The following PIBF1 variants were observed in gnomAD, a reference collection of about 807,000 sequenced individuals.
PIBF1 encodes the protein progesterone immunomodulatory binding factor 1.
PIBF1 carries 90 observed loss-of-function variants against 112.5 expected under a neutral mutation model. That is an observed-to-expected ratio of 0.80 (90% CI 0.67 to 0.95). PIBF1 has a LOEUF of 0.95. PIBF1 is among the 40% of genes least tolerant of loss of function. The pLI is 0.00. For missense variants in PIBF1, 915 were observed against 852.3 expected, an observed-to-expected ratio of 1.07 and a Z score of -0.92; for synonymous variants, 301 against 288.6, an observed-to-expected ratio of 1.04 and a Z score of -0.44.
chr13:72,983,106 T>C (rs987385908), intron 16 of PIBF1, among the ~76,000 whole-genome samples: 4 of 151,996 alleles, frequency 2.6e-5, no homozygotes. Flanking sequence ...GGTGGGAGGA[T>C]TACTTGAGTC....
intron 10 of PIBF1, among the ~76,000 whole-genome samples, chr13:72,864,189 A>G (rs2038826432): frequency 6.6e-6 from 1 of 152,208 alleles, no homozygotes; most frequent in African/African-American, 2.4e-5. Context: ...TGTGACTCAT[A>G]AATTAGCTTA....
intron 11 of PIBF1, among the ~76,000 whole-genome samples, chr13:72,902,867 A>T (rs2040548941): frequency 6.6e-6 from 1 of 151,996 alleles, no homozygotes; most frequent in African/African-American, 2.4e-5. Context: ...AAAAATCATC[A>T]ATATACATAG....
At chr13:72,948,249 T>G (rs1238869911) in intron 14 of PIBF1, among the ~76,000 whole-genome samples, 1 of 151,944 alleles carries the variant, frequency 6.6e-6, no homozygotes, top group Non-Finnish European at 1.5e-5. Flanking sequence ...AAGAAATTTC[T>G]TCCCCCAGAT....
chr13:72,784,275 T>TAAAAA (rs5804646), intron 2 of PIBF1, among the ~76,000 whole-genome samples: 3 of 123,988 alleles, frequency 2.4e-5, no homozygotes, highest in Admixed American at 8.3e-5. Flanking sequence ...CAGCTCTACT[T>TAAAAA]AAAAAAAAAA....
At chr13:72,999,116 A>C (rs1210239672) in intron 17 of PIBF1, 121 bp downstream of exon 17, 3 of 621,390 alleles carry the variant, frequency 4.8e-6, no homozygotes, top group Non-Finnish European at 5.6e-6. Context: ...GTTTCATGAA[A>C]AGACCTTGAA....
chr13:72,838,474 G>A (rs1026819117), intron 9 of PIBF1, among the ~76,000 whole-genome samples: 1 of 152,126 alleles, frequency 6.6e-6, no homozygotes. Context: ...CGCAAATCAG[G>A]CAGCTTCCAG....
intron 17 of PIBF1, among the ~76,000 whole-genome samples, chr13:73,011,429 G>A (rs988604577): frequency 6.9e-6 from 1 of 144,058 alleles, no homozygotes; most frequent in Non-Finnish European, 1.6e-5. Context: ...TTCCAGCAGT[G>A]GGAGGGAAAA....
chr13:72,959,369 C>T (rs757421888), intron 14 of PIBF1, among the ~76,000 whole-genome samples: 1 of 152,078 alleles, frequency 6.6e-6, no homozygotes, highest in African/African-American at 2.4e-5. Context: ...GTGTTGCCCC[C>T]CTATCGGACC....
At chr13:72,903,088 A>G (rs1159080657) in intron 11 of PIBF1, among the ~76,000 whole-genome samples, 2 of 151,628 alleles carry the variant, frequency 1.3e-5, no homozygotes, top group African/African-American at 4.8e-5. Context: ...CGTAGAGACG[A>G]GGTTTCACCA....
At chr13:72,977,685 A>C (rs1218308561) in intron 16 of PIBF1, among the ~76,000 whole-genome samples, 1 of 152,226 alleles carries the variant, frequency 6.6e-6, no homozygotes, top group African/African-American at 2.4e-5. Context: ...GACCACAGAG[A>C]GTTTTTATTT....
intron 14 of PIBF1, among the ~76,000 whole-genome samples, chr13:72,956,351 G>A (rs2138874761): frequency 6.6e-6 from 1 of 152,016 alleles, no homozygotes; most frequent in South Asian, 2.1e-4. Context: ...GTGTGTATGT[G>A]TGTGTGTGAC....
intron 9 of PIBF1, among the ~76,000 whole-genome samples, chr13:72,848,529 T>C (rs2037974014): frequency 6.6e-6 from 1 of 152,206 alleles, no homozygotes; most frequent in African/African-American, 2.4e-5. Flanking sequence ...ATTAAAACCC[T>C]TTTATTTAAG....
intron 15 of PIBF1, 42 bp downstream of exon 15, chr13:72,965,446 T>C (rs747558001): frequency 6.7e-7 from 1 of 1,501,268 alleles, no homozygotes; most frequent in Non-Finnish European, 9.1e-7. Flanking sequence ...ATAAAGACAT[T>C]GTTACCATAT....
intron 14 of PIBF1, among the ~76,000 whole-genome samples, chr13:72,949,300 CTTTTTTTTTTTTTTTT>C (rs71099771): frequency 0.015 from 805 of 55,012 alleles, 22 homozygotes; most frequent in African/African-American, 0.054. Flanking sequence ...AAATAGCTGT[CTTTTTTTTTTTTTTTT>C]TTTTTTTTTT....
chr13:72,825,681 G>A (rs1402926239), intron 6 of PIBF1, among the ~76,000 whole-genome samples: 1 of 152,114 alleles, frequency 6.6e-6, no homozygotes, highest in Admixed American at 6.5e-5. Context: ...ATATTAACAA[G>A]AGAGAGGGTT....
intron 2 of PIBF1, among the ~76,000 whole-genome samples, chr13:72,791,950 T>C (rs1460615008): frequency 6.6e-6 from 1 of 151,486 alleles, no homozygotes; most frequent in Admixed American, 6.6e-5. Context: ...AAATTTTTGA[T>C]AGCATTTTTT....
At chr13:72,969,547 G>T (rs1011299028) in intron 15 of PIBF1, 2 of 152,136 alleles carry the variant, frequency 1.3e-5, no homozygotes, top group Admixed American at 1.3e-4. Context: ...GTTGCTATAG[G>T]TGTACCCTGG....
At chr13:73,015,215 C>T (rs2044349912) in intron 17 of PIBF1, among the ~76,000 whole-genome samples, 1 of 152,192 alleles carries the variant, frequency 6.6e-6, no homozygotes, top group Admixed American at 6.5e-5. Flanking sequence ...TAGTCTCGAA[C>T]TCCTGGGCTC....
intron 6 of PIBF1, among the ~76,000 whole-genome samples, chr13:72,825,298 A>T (rs2036751462): frequency 6.6e-6 from 1 of 152,200 alleles, no homozygotes. Flanking sequence ...TTATACTGTG[A>T]TTATATAAGA....
Sources: gnomAD v4.1 joint callset for allele counts (sites outside exome capture counted in the v4.1 genomes callset) on GRCh38, gnomAD v4.1.1 for gene constraint, MANE v1.5 for transcripts, NCBI Gene and HGNC (gene_info 2026-07-23, HGNC 2026-07-21) for gene names.